MBNL1: variants seen among roughly 807,000 people sequenced by gnomAD.
The protein encoded by MBNL1 is muscleblind-like protein 1.
A neutral mutation model predicts 42.2 loss-of-function variants in MBNL1; 8 were observed. That is an observed-to-expected ratio of 0.19 (90% confidence interval 0.11 to 0.34). The LOEUF (loss-of-function observed/expected upper bound fraction) is 0.34. Among genes scored for constraint, MBNL1 ranks in the 10% least tolerant of loss-of-function variants. The pLI is 1.00. For synonymous variants in MBNL1, 169 were observed against 173.9 expected (o/e 0.97, Z 0.22); for missense variants, 309 against 495.3 (o/e 0.62, Z 3.57).
chr3:152,419,142 C>T (rs1222315046), intron 3 of MBNL1, among the ~76,000 whole-genome samples: 1 of 151,958 alleles, frequency 6.6e-6, no homozygotes. Context: ...GAATAATTGA[C>T]ATTCTGCTGT....
intron 2 of MBNL1, among the ~76,000 whole-genome samples, chr3:152,385,291 T>A (rs1207940425): frequency 6.6e-6 from 1 of 152,088 alleles, no homozygotes; most frequent in Non-Finnish European, 1.5e-5. Flanking sequence ...GGTACTTCTT[T>A]AATCCTCTCT....
intron 2 of MBNL1, among the ~76,000 whole-genome samples, chr3:152,413,657 A>C (rs537411590): frequency 5.9e-4 from 90 of 152,344 alleles, no homozygotes; most frequent in African/African-American, 2.0e-3. Context: ...CATCAGAGTC[A>C]ATTTATAGCA....
At chr3:152,367,332 C>A (rs964699395) in intron 2 of MBNL1, among the ~76,000 whole-genome samples, 2 of 152,124 alleles carry the variant, frequency 1.3e-5, no homozygotes, top group African/African-American at 4.8e-5. Flanking sequence ...CCAGCTTCAT[C>A]CATGTCCCTG....
chr3:152,329,336 T>C (rs1317755498), intron 2 of MBNL1, among the ~76,000 whole-genome samples: 1 of 152,144 alleles, frequency 6.6e-6, no homozygotes, highest in Non-Finnish European at 1.5e-5. Flanking sequence ...TGGAGCTGAA[T>C]TGGTTTCGGT....
intron 2 of MBNL1, among the ~76,000 whole-genome samples, chr3:152,384,970 C>T (rs2097346416): frequency 6.6e-6 from 1 of 151,916 alleles, no homozygotes; most frequent in Admixed American, 6.6e-5. Flanking sequence ...ATTCTTTAAG[C>T]ATGAAAAGCA....
At chr3:152,430,842 G>A (rs369170365) in intron 3 of MBNL1, among the ~76,000 whole-genome samples, 351 of 152,276 alleles carry the variant, frequency 2.3e-3, no homozygotes, top group African/African-American at 8.2e-3. Context: ...TGCTGGGAGG[G>A]GTTGGGGATT....
intron 2 of MBNL1, among the ~76,000 whole-genome samples, chr3:152,258,150 T>G (rs894104853): frequency 6.6e-6 from 1 of 152,212 alleles, no homozygotes; most frequent in African/African-American, 2.4e-5. Flanking sequence ...TGAATCCTCA[T>G]ATTTTGAAGA....
intron 3 of MBNL1, among the ~76,000 whole-genome samples, chr3:152,430,866 G>C (rs1312084473): frequency 6.6e-6 from 1 of 152,328 alleles, no homozygotes; most frequent in East Asian, 1.9e-4. Context: ...GGTGCTACTT[G>C]AGGGCACTTC....
chr3:152,364,830 G>A (rs1351920560), intron 2 of MBNL1, among the ~76,000 whole-genome samples: 2 of 151,770 alleles, frequency 1.3e-5, no homozygotes, highest in Admixed American at 1.3e-4. Context: ...ACAGTGAAAA[G>A]GAATACAATT....
intron 2 of MBNL1, among the ~76,000 whole-genome samples, chr3:152,333,491 T>G (rs982452460): frequency 2.0e-5 from 3 of 152,198 alleles, no homozygotes; most frequent in African/African-American, 7.2e-5. Flanking sequence ...TAACACTTCA[T>G]CAGTTTTCAA....
chr3:152,433,749 C>CA (rs35614565), intron 4 of MBNL1, among the ~76,000 whole-genome samples: 38,036 of 90,826 alleles, frequency 0.42, 6,488 homozygotes, highest in East Asian at 0.62. Flanking sequence ...GACTCCGTCT[C>CA]AAAAAAAAAA....
At chr3:152,254,632 TGTACA>T (rs2035185327) in intron 2 of MBNL1, among the ~76,000 whole-genome samples, 1 of 152,164 alleles carries the variant, frequency 6.6e-6, no homozygotes, top group Non-Finnish European at 1.5e-5. Flanking sequence ...TTCTTTTTCT[TGTACA>T]TCCAAAATAT....
At chr3:152,298,663 A>C (rs1260381117) in intron 1 of MBNL1, among the ~76,000 whole-genome samples, 1 of 152,216 alleles carries the variant, frequency 6.6e-6, no homozygotes, top group Non-Finnish European at 1.5e-5. Flanking sequence ...ATATTGACAA[A>C]GTGTCTGCGG....
intron 2 of MBNL1, among the ~76,000 whole-genome samples, chr3:152,331,208 A>G (rs1042474377): frequency 6.6e-6 from 1 of 151,730 alleles, no homozygotes; most frequent in Non-Finnish European, 1.5e-5. Flanking sequence ...ATACACACAT[A>G]CACACACACA....
At chr3:152,307,470 G>T (rs904947455) in intron 2 of MBNL1, among the ~76,000 whole-genome samples, 2 of 152,182 alleles carry the variant, frequency 1.3e-5, no homozygotes, top group African/African-American at 4.8e-5. Context: ...AAATAACAAG[G>T]TGAGTTAATA....
chr3:152,458,081 CCTT>C, intron 8 of MBNL1: 1 of 1,516,648 alleles, frequency 6.6e-7, no homozygotes, highest in Non-Finnish European at 9.2e-7. Flanking sequence ...TATAGCTGGC[CCTT>C]CATCTGCATC....
At chr3:152,272,687 T>C (rs2042597632) in intron 1 of MBNL1, among the ~76,000 whole-genome samples, 1 of 152,168 alleles carries the variant, frequency 6.6e-6, no homozygotes, top group South Asian at 2.1e-4. Context: ...TTTTGAATAT[T>C]AGCAAAGGTG....
At chr3:152,460,378 T>C (rs1743140686) in intron 9 of MBNL1, among the ~76,000 whole-genome samples, 1 of 149,270 alleles carries the variant, frequency 6.7e-6, no homozygotes, top group East Asian at 2.0e-4. Context: ...CCTCAGAGGA[T>C]CATATAATTC....
chr3:152,265,783 C>T (rs2037134597), upstream of MBNL1: 1 of 152,094 alleles, frequency 6.6e-6, no homozygotes, highest in Non-Finnish European at 1.5e-5. Context: ...TTTCCCTCTC[C>T]ACCCATAAAT....
Sources: gnomAD v4.1 joint callset for allele counts (sites outside exome capture counted in the v4.1 genomes callset) on GRCh38, gnomAD v4.1.1 for gene constraint, MANE v1.5 for transcripts, NCBI Gene and HGNC (gene_info 2026-07-23, HGNC 2026-07-21) for gene names.